Variants in IKZF3 observed in about 807,000 individuals in gnomAD.
The protein encoded by IKZF3 is IKAROS family zinc finger 3.
A neutral mutation model predicts 49.0 loss-of-function variants in IKZF3; 10 were observed. The ratio of observed to expected loss-of-function variants is 0.20; its 90% CI spans 0.13 to 0.35. The LOEUF is 0.35. Ranked by LOEUF, IKZF3 falls within the 10% of genes least tolerant of loss-of-function variation. IKZF3 has a pLI of 1.00. For missense variants in IKZF3, 498 were observed against 664.8 expected, an observed-to-expected ratio of 0.75 and a Z score of 2.76; for synonymous variants, 209 against 228.2, an observed-to-expected ratio of 0.92 and a Z score of 0.76.
chr17:39,775,377 T>C (rs2060552261), intron 7 of IKZF3, among the ~76,000 whole-genome samples: 1 of 152,016 alleles, frequency 6.6e-6, no homozygotes, highest in Non-Finnish European at 1.5e-5. Context: ...AGTCTGGAAG[T>C]AGTGAAGTGA....
At position 39,839,559 on chromosome 17, in the gene IKZF3, C is replaced by T. The variant is rs868027437; in HGVS notation, c.8-7408G>A. On this transcript the variant is annotated intron_variant, in intron 1 of 7. Transcript: ENST00000346872. ...TGGAGGCAAGCACACACCACGATGGCGGAGAAAGGAAGAGAGGACTGTTTC... is the reference window on the plus strand; with the variant it reads ...TGGAGGCAAGCACACACCACGATGGTGGAGAAAGGAAGAGAGGACTGTTTC... 1.2e-4 allele frequency: 63 copies of T among 512,104 alleles called. No homozygotes were observed. The Middle Eastern group carries it at 2.4e-3, about 20-fold the overall frequency. The allele number at this position is 512,104 out of a possible 1,614,324, so 31.7% of individuals were successfully genotyped here.
At chr17:39,798,575 T>C (rs1465953683) in intron 3 of IKZF3, among the ~76,000 whole-genome samples, 1 of 151,578 alleles carries the variant, frequency 6.6e-6, no homozygotes, top group East Asian at 1.9e-4. Flanking sequence ...GTGCGATCTC[T>C]GCTCACTGCA....
intron 3 of IKZF3, among the ~76,000 whole-genome samples, chr17:39,809,434 C>T (rs751910597): frequency 1.3e-5 from 2 of 152,194 alleles, no homozygotes; most frequent in African/African-American, 4.8e-5. Flanking sequence ...GGTTATACAC[C>T]AAGGGCTGGA....
intron 1 of IKZF3, among the ~76,000 whole-genome samples, chr17:39,846,487 GT>G (rs34071450): frequency 0.072 from 7,749 of 108,028 alleles, 228 homozygotes; most frequent in African/African-American, 0.14. Context: ...AGATACCAAG[GT>G]TTTTTTTTTT....
chr17:39,854,737 A>T (rs927922859), intron 1 of IKZF3, among the ~76,000 whole-genome samples: 3 of 152,074 alleles, frequency 2.0e-5, no homozygotes, highest in Non-Finnish European at 2.9e-5. Context: ...TGGAGAGAAA[A>T]TTAGTTCATT....
At chr17:39,838,633 A>T (rs2062374066) in intron 1 of IKZF3, among the ~76,000 whole-genome samples, 1 of 152,134 alleles carries the variant, frequency 6.6e-6, no homozygotes. Flanking sequence ...TATAGTTTAT[A>T]CAAGTTCTTG....
In IKZF3 at chr17:39,765,190, A is replaced by C. The variant is rs2060259985; in HGVS notation, c.*600T>G. On this transcript the variant is annotated 3_prime_UTR_variant, in exon 8 of 8. Transcript: ENST00000346872. ...AAAGGACAGAAGCAGAAGTGCCATC[A>C]GATGACATTTTTTAAAAATGTTGTG... 6.6e-6 allele frequency: 1 copy of C among 152,416 alleles called. No individual in the cohort carries two copies. Among genetic ancestry groups the C allele is most frequent in the East Asian group, 1.9e-4 (1 of 5,344 alleles). 9.4% of individuals were successfully genotyped at this position (152,416 alleles called of 1,614,324 possible).
intron 2 of IKZF3, among the ~76,000 whole-genome samples, chr17:39,831,370 G>A (rs1026519163): frequency 5.3e-5 from 8 of 150,740 alleles, no homozygotes; most frequent in African/African-American, 9.7e-5. Context: ...GCGAAATTCC[G>A]TCTCAAAAAA....
At chr17:39,800,595 C>T (rs1390189605) in intron 3 of IKZF3, among the ~76,000 whole-genome samples, 1 of 152,102 alleles carries the variant, frequency 6.6e-6, no homozygotes, top group Admixed American at 6.6e-5. Flanking sequence ...CTCTAGGGTA[C>T]AATTGCTCCC....
chr17:39,860,069 C>T (rs1410402275), intron 1 of IKZF3, among the ~76,000 whole-genome samples: 1 of 151,936 alleles, frequency 6.6e-6, no homozygotes, highest in African/African-American at 2.4e-5. Context: ...CCCATTTCTA[C>T]AAAAAATGAA....
intron 3 of IKZF3, among the ~76,000 whole-genome samples, chr17:39,813,124 TAA>T (rs2061600526): frequency 6.7e-6 from 1 of 149,384 alleles, no homozygotes; most frequent in South Asian, 2.1e-4. Context: ...AATAAATAAA[TAA>T]ATAAATAAAT....
At chr17:39,855,392 C>T (rs183893498) in intron 1 of IKZF3, among the ~76,000 whole-genome samples, 166 of 152,212 alleles carry the variant, frequency 1.1e-3, no homozygotes, top group Non-Finnish European at 3.5e-4. Context: ...TACATGAATT[C>T]CTAATATCAA....
intron 7 of IKZF3, among the ~76,000 whole-genome samples, chr17:39,767,121 T>C (rs979321800): frequency 6.6e-6 from 1 of 152,164 alleles, no homozygotes; most frequent in Non-Finnish European, 1.5e-5. Context: ...GCTTCAAATG[T>C]AGAAAGTTTG....
intron 7 of IKZF3, among the ~76,000 whole-genome samples, chr17:39,769,475 G>A (rs115716540): frequency 6.6e-6 from 1 of 152,308 alleles, no homozygotes; most frequent in African/African-American, 2.4e-5. Flanking sequence ...TCAATGAGAA[G>A]CAACAGCAGA....
chr17:39,820,980 C>A (rs2061796303), intron 3 of IKZF3, among the ~76,000 whole-genome samples: 1 of 152,164 alleles, frequency 6.6e-6, no homozygotes, highest in Non-Finnish European at 1.5e-5. Context: ...CTTCCTTGCT[C>A]TATGCCTCCC....
chr17:39,849,382 G>A (rs1034085458), intron 1 of IKZF3, among the ~76,000 whole-genome samples: 1 of 151,296 alleles, frequency 6.6e-6, no homozygotes, highest in Non-Finnish European at 1.5e-5. Context: ...AATCCAGCCA[G>A]GCGTGGTGGC....
chr17:39,843,907 G>A (rs1286806548), intron 1 of IKZF3, among the ~76,000 whole-genome samples: 1 of 151,892 alleles, frequency 6.6e-6, no homozygotes, highest in Non-Finnish European at 1.5e-5. Context: ...AAGATAGATT[G>A]AAGTGTATTT....
At chr17:39,828,166 G>A (rs1353849258) in intron 3 of IKZF3, among the ~76,000 whole-genome samples, 2 of 152,158 alleles carry the variant, frequency 1.3e-5, no homozygotes, top group African/African-American at 2.4e-5. Flanking sequence ...AAGTGTAACC[G>A]TAGCTTTAAA....
intron 3 of IKZF3, among the ~76,000 whole-genome samples, chr17:39,804,000 T>A (rs1055492010): frequency 2.6e-5 from 4 of 152,190 alleles, no homozygotes; most frequent in African/African-American, 9.7e-5. Context: ...GCATAAGTAG[T>A]TCTTGGTGTA....
Sources: gnomAD v4.1 joint callset for allele counts (sites outside exome capture counted in the v4.1 genomes callset) on GRCh38, gnomAD v4.1.1 for gene constraint, MANE v1.5 for transcripts, NCBI Gene and HGNC (gene_info 2026-07-23, HGNC 2026-07-21) for gene names.